The following EPB41L1 variants were observed in gnomAD, a reference collection of about 807,000 sequenced individuals.
EPB41L1 encodes erythrocyte membrane protein band 4.1 like 1.
A neutral mutation model predicts 97.8 loss-of-function variants in EPB41L1; 29 were observed. That is an observed-to-expected ratio of 0.30 (90% CI 0.22 to 0.40). EPB41L1 has a LOEUF of 0.40. Ranked by LOEUF, EPB41L1 falls within the 10% of genes least tolerant of loss-of-function variation. The pLI is 1.00. For missense variants in EPB41L1, 812 were observed against 1,162.3 expected (o/e 0.70, Z 4.38); for synonymous variants, 383 against 459.2 (o/e 0.83, Z 2.12).
intron 14 of EPB41L1, among the ~76,000 whole-genome samples, chr20:36,204,288 C>T (rs1224413437): frequency 6.6e-6 from 1 of 152,120 alleles, no homozygotes; most frequent in South Asian, 2.1e-4. Flanking sequence ...ATTTCTGTCA[C>T]ATAGCCGACT....
chr20:36,143,452 A>G (rs567520493), intron 2 of EPB41L1, among the ~76,000 whole-genome samples: 1 of 152,274 alleles, frequency 6.6e-6, no homozygotes, highest in East Asian at 1.9e-4. Flanking sequence ...CATTTAGCCA[A>G]TCAACATCTA....
At chr20:36,125,682 C>T (rs1264443767) in intron 2 of EPB41L1, among the ~76,000 whole-genome samples, 1 of 152,180 alleles carries the variant, frequency 6.6e-6, no homozygotes, top group East Asian at 1.9e-4. Context: ...GGTCCAGCTC[C>T]TGCAGCCCGT....
intron 2 of EPB41L1, among the ~76,000 whole-genome samples, chr20:36,132,661 C>G (rs1316405336): frequency 6.6e-6 from 1 of 151,092 alleles, no homozygotes; most frequent in Non-Finnish European, 1.5e-5. Flanking sequence ...GGAATTGTAC[C>G]ACTAGCCTCC....
chr20:36,203,784 C>T (rs956648831), intron 14 of EPB41L1, among the ~76,000 whole-genome samples: 3 of 152,200 alleles, frequency 2.0e-5, no homozygotes, highest in Non-Finnish European at 2.9e-5. Context: ...CCTTTTATCT[C>T]GCTTTCCCAT....
At chr20:36,130,488 A>C (rs1389207292) in intron 2 of EPB41L1, among the ~76,000 whole-genome samples, 2 of 152,112 alleles carry the variant, frequency 1.3e-5, no homozygotes, top group East Asian at 1.9e-4. Flanking sequence ...GATTCTATTA[A>C]ATACACGATC....
intron 17 of EPB41L1, among the ~76,000 whole-genome samples, chr20:36,214,697 C>T (rs191196772): frequency 2.0e-4 from 30 of 152,262 alleles, no homozygotes; most frequent in Admixed American, 3.9e-4. Flanking sequence ...GCCATCTCAG[C>T]CACAGCAGAG....
intron 2 of EPB41L1, among the ~76,000 whole-genome samples, chr20:36,145,323 A>C (rs1170355681): frequency 1.3e-5 from 2 of 151,032 alleles, no homozygotes; most frequent in Admixed American, 6.6e-5. Flanking sequence ...CTGGGAGGTG[A>C]AGGTTGCAGT....
chr20:36,231,704 CAG>C lies in EPB41L1; in HGVS notation c.*2365_*2366del, dbSNP rs1018035085. ...GGGAAGTTCAGCGGGGCAGCAGAATCAGTGGCATTCCCCCTGGTGCAGGCCGG... is the reference window on the plus strand; with the variant it reads ...GGGAAGTTCAGCGGGGCAGCAGAATCTGGCATTCCCCCTGGTGCAGGCCGG... On this transcript the variant is annotated 3_prime_UTR_variant, in exon 22 of 22. Coordinates refer to ENST00000338074, the MANE Select transcript of EPB41L1 (RefSeq NM_012156.2). The C allele has an allele frequency of 1.3e-5, 2 of 152,520 alleles. No individual in the cohort carries two copies. The highest frequency in any genetic ancestry group is 2.9e-5 in the Non-Finnish European group (2 of 68,138). 9.4% of individuals were successfully genotyped at this position (152,520 alleles called of 1,614,324 possible).
In EPB41L1 at chr20:36,135,899, G is replaced by C. The variant is rs144804367; in HGVS notation, c.-10+23419G>C. ...CTCGGTAGGGGCAGAATTGAGGGTAGCAGGTAGGGTCCTGAACACCCTGGA... is the reference window on the plus strand; with the variant it reads ...CTCGGTAGGGGCAGAATTGAGGGTACCAGGTAGGGTCCTGAACACCCTGGA... On this transcript the variant is annotated intron_variant, in intron 2 of 19. Coordinates refer to the EPB41L1 transcript ENST00000202028. Among the ~76,000 whole-genome samples the C allele has an allele frequency of 8.5e-4, 129 of 152,298 alleles. 1 individual carries two copies. Among genetic ancestry groups the C allele is most frequent in the African/African-American group, 3.0e-3 (125 of 41,570 alleles).
Position 36,195,640 on chromosome 20 carries a change from C to T in EPB41L1, c.1485+276C>T, listed in dbSNP as rs1408295790. Among the ~76,000 whole-genome samples, 8 of 152,188 alleles carry T rather than the reference C, an allele frequency of 5.3e-5. No homozygotes were observed. Among genetic ancestry groups the T allele is most frequent in the Admixed American group, 5.2e-4 (8 of 15,280 alleles). ...CACCCTCTCCCCAGCTCACCCGGTC[C>T]TCCATACTTGCAGCTCACCTGCTGA... On this transcript the variant is annotated intron_variant, in intron 13 of 21. Transcript: ENST00000338074. This position sits in a 1 kb window ranked among gnomAD's most constrained non-coding sequence, Gnocchi z 4.6.
At chr20:36,189,391 C>G (rs754892166) in intron 9 of EPB41L1, among the ~76,000 whole-genome samples, 3 of 152,172 alleles carry the variant, frequency 2.0e-5, no homozygotes, top group Non-Finnish European at 2.9e-5. Context: ...CTTCAAACTC[C>G]TTCCATGGCC....
At chr20:36,118,187 A>C (rs1251794252) in intron 2 of EPB41L1, among the ~76,000 whole-genome samples, 2 of 152,150 alleles carry the variant, frequency 1.3e-5, no homozygotes, top group African/African-American at 4.8e-5. Flanking sequence ...AGGAAAATCT[A>C]CTGCTTTGTT....
At position 36,188,627 on chromosome 20, in the gene EPB41L1, CACACACACACACACAG is replaced by C. The variant is rs1230228372; in HGVS notation, c.1026+130_1026+145del. The C allele has an allele frequency of 1.6e-4, 111 of 677,808 alleles. 1 individual carries two copies. The highest frequency in any genetic ancestry group is 1.3e-3 in the African/African-American group (56 of 42,904). 42.0% of individuals were successfully genotyped at this position (677,808 alleles called of 1,614,324 possible). The stretch of plus-strand genomic sequence containing the variant: ...ACACACACACACACACACACACACA[CACACACACACACACAG>C]AGAGAGAGAGAGAGAGAGAGAGAGA... On this transcript the variant is annotated intron_variant, in intron 9 of 21. Transcript: ENST00000338074.
At chr20:36,094,270 A>T (rs902816845) in intron 1 of EPB41L1, among the ~76,000 whole-genome samples, 3 of 152,340 alleles carry the variant, frequency 2.0e-5, no homozygotes, top group African/African-American at 7.2e-5. Flanking sequence ...GTGGGTTTGC[A>T]GAGAAGTGGC....
chr20:36,189,635 G>A (rs2061857479), intron 9 of EPB41L1, among the ~76,000 whole-genome samples: 1 of 152,142 alleles, frequency 6.6e-6, no homozygotes, highest in African/African-American at 2.4e-5. Context: ...GGGATCCCCT[G>A]CTCTTCCTTA....
chr20:36,106,436 TG>T (rs1355134492), intron 1 of EPB41L1, among the ~76,000 whole-genome samples: 1 of 152,184 alleles, frequency 6.6e-6, no homozygotes, highest in East Asian at 1.9e-4. Flanking sequence ...TAGTCAAAGC[TG>T]GGTGACTTTG....
chr20:36,166,895 A>T (rs1187398885), intron 1 of EPB41L1, among the ~76,000 whole-genome samples: 1 of 152,200 alleles, frequency 6.6e-6, no homozygotes, highest in Admixed American at 6.5e-5. Context: ...CAACCACCCA[A>T]CCCAGCATGC....
At chr20:36,161,598 C>G (rs1310848776) in intron 1 of EPB41L1, among the ~76,000 whole-genome samples, 2 of 151,906 alleles carry the variant, frequency 1.3e-5, no homozygotes, top group Non-Finnish European at 2.9e-5. Context: ...GCCTTGGCCT[C>G]CCAAGTAGCT....
At chr20:36,196,047 C>T (rs1423453469) in intron 13 of EPB41L1, among the ~76,000 whole-genome samples, 1 of 152,234 alleles carries the variant, frequency 6.6e-6, no homozygotes, top group Non-Finnish European at 1.5e-5. Flanking sequence ...ATGTTAACCA[C>T]TTCTTCCCTC....
Sources: gnomAD v4.1 joint callset for allele counts (sites outside exome capture counted in the v4.1 genomes callset) on GRCh38, gnomAD v4.1.1 for gene constraint, Gnocchi (gnomAD v3.1) non-coding constraint, MANE v1.5 for transcripts, NCBI Gene and HGNC (gene_info 2026-07-23, HGNC 2026-07-21) for gene names.